The following GRK5 variants were observed in gnomAD, a reference collection of about 807,000 sequenced individuals.
GRK5 encodes g protein-coupled receptor kinase GRK5.
In GRK5, 40 loss-of-function variants were observed where a neutral mutation model predicts 78.4. That is an observed-to-expected ratio of 0.51 (90% CI 0.40 to 0.66). The LOEUF (loss-of-function observed/expected upper bound fraction) is 0.66, where lower values mean the gene tolerates loss of function less well. Among genes scored for constraint, GRK5 ranks in the 30% least tolerant of loss-of-function variants. The pLI is 0.00. For missense variants in GRK5, 598 were observed against 759.9 expected, an observed-to-expected ratio of 0.79 and a Z score of 2.50; for synonymous variants, 289 against 296.8, an observed-to-expected ratio of 0.97 and a Z score of 0.27.
chr10:119,293,440 G>C (rs1850019149), intron 1 of GRK5, among the ~76,000 whole-genome samples: 1 of 151,822 alleles, frequency 6.6e-6, no homozygotes, highest in African/African-American at 2.4e-5. Context: ...TTGAGGAGCA[G>C]AGATGGGGTA....
intron 13 of GRK5, among the ~76,000 whole-genome samples, chr10:119,448,671 A>AGCAT (rs1482869302): frequency 2.0e-5 from 3 of 152,170 alleles, no homozygotes; most frequent in Non-Finnish European, 4.4e-5. Context: ...CATCTTGACC[A>AGCAT]GCATGCATGC....
chr10:119,396,071 T>C (rs1029618905), intron 3 of GRK5, among the ~76,000 whole-genome samples: 24 of 152,246 alleles, frequency 1.6e-4, no homozygotes, highest in Non-Finnish European at 3.5e-4. Context: ...CAAGGTGTAA[T>C]AATCACAATG....
chr10:119,356,448 T>G (rs967258166), intron 2 of GRK5, among the ~76,000 whole-genome samples: 1 of 152,194 alleles, frequency 6.6e-6, no homozygotes, highest in Non-Finnish European at 1.5e-5. Context: ...TCCCAGAATT[T>G]TATGTTTTTA....
chr10:119,266,167 G>A (rs1221507875), intron 1 of GRK5, among the ~76,000 whole-genome samples: 2 of 152,172 alleles, frequency 1.3e-5, no homozygotes, highest in African/African-American at 4.8e-5. Context: ...TAGGAACGAT[G>A]CTGGCTGGAT....
chr10:119,318,379 G>A (rs186320324), intron 1 of GRK5, among the ~76,000 whole-genome samples: 2 of 152,340 alleles, frequency 1.3e-5, no homozygotes, highest in Admixed American at 1.3e-4. Flanking sequence ...CCCTGACTCT[G>A]AGGGTACAGC....
chr10:119,209,491 T>G (rs1025568391), intron 1 of GRK5, among the ~76,000 whole-genome samples: 7 of 51,678 alleles, frequency 1.4e-4, no homozygotes, highest in Admixed American at 3.2e-4. Flanking sequence ...TGTGTGGTTT[T>G]TTTTTTTTTT....
intron 1 of GRK5, among the ~76,000 whole-genome samples, chr10:119,296,925 G>A (rs555324739): frequency 6.0e-4 from 92 of 152,222 alleles, no homozygotes; most frequent in African/African-American, 2.0e-3. Flanking sequence ...TGGTCACCCT[G>A]TGGGCAGCCA....
intron 2 of GRK5, among the ~76,000 whole-genome samples, chr10:119,337,005 G>A (rs534407128): frequency 9.2e-5 from 14 of 152,190 alleles, no homozygotes; most frequent in African/African-American, 2.2e-4. Context: ...GATACTGTCC[G>A]TGGGTTTCTT....
At chr10:119,234,985 AT>A (rs1450363142) in intron 1 of GRK5, among the ~76,000 whole-genome samples, 1 of 144,732 alleles carries the variant, frequency 6.9e-6, no homozygotes, top group Non-Finnish European at 1.5e-5. Context: ...TAATTAATTA[AT>A]TTTTTTGAGA....
Position 119,218,074 on chromosome 10 carries a change from T to TTGTGTGTGTGTGTGTGTGTG in GRK5, c.52+10115_52+10134dup, listed in dbSNP as rs59742803. On this transcript the variant is annotated intron_variant, in intron 1 of 15. Transcript: ENST00000392870. The stretch of plus-strand genomic sequence containing the variant: ...GCATTTAGAAACCATGTCAACCCGT[T>TTGTGTGTGTGTGTGTGTGTG]TGTGTGTGTGTGTGTGTGTGTGTGT... 4.2e-3 allele frequency among the ~76,000 whole-genome samples: 619 copies of TTGTGTGTGTGTGTGTGTGTG among 146,556 alleles called. 10 individuals carry two copies. Among genetic ancestry groups the TTGTGTGTGTGTGTGTGTGTG allele is most frequent in the Admixed American group, 0.033 (481 of 14,606 alleles).
intron 2 of GRK5, chr10:119,333,824 C>T (rs1850826719): frequency 1.9e-6 from 1 of 532,946 alleles, no homozygotes; most frequent in South Asian, 1.4e-5. Flanking sequence ...CATGGGAGAC[C>T]AACTGAAATT....
intron 1 of GRK5, among the ~76,000 whole-genome samples, chr10:119,280,174 G>A (rs900721239): frequency 6.6e-6 from 1 of 152,184 alleles, no homozygotes; most frequent in Admixed American, 6.5e-5. Context: ...CAGAACAGCT[G>A]CAGGAAAGGG....
intron 1 of GRK5, among the ~76,000 whole-genome samples, chr10:119,281,585 ATCT>A (rs912096872): frequency 4.6e-5 from 7 of 152,198 alleles, no homozygotes; most frequent in African/African-American, 1.7e-4. Flanking sequence ...CTGTGGTGGC[ATCT>A]TCTTCACAGG....
At position 119,254,545 on chromosome 10, in the gene GRK5, C is replaced by T. The variant is rs531160980; in HGVS notation, c.52+46576C>T. 6.2e-4 allele frequency among the ~76,000 whole-genome samples: 94 copies of T among 151,624 alleles called. 2 individuals carry two copies. The highest frequency in any genetic ancestry group is 7.9e-4 in the Admixed American group (12 of 15,198). On this transcript the variant is annotated intron_variant, in intron 1 of 15. Coordinates refer to ENST00000392870, the MANE Select transcript of GRK5 (RefSeq NM_005308.3). ...TGGGATTTGTAGCGGGTGTGGCTAT[C>T]TTATTTCTGGCCAGTATGGGGAGGG...
chr10:119,273,370 G>A (rs575281551), intron 1 of GRK5, among the ~76,000 whole-genome samples: 3 of 152,296 alleles, frequency 2.0e-5, no homozygotes, highest in Admixed American at 2.0e-4. Flanking sequence ...GGATTCTGCT[G>A]CCCTGCCTTG....
intron 12 of GRK5, among the ~76,000 whole-genome samples, chr10:119,444,977 C>T (rs1458163768): frequency 6.6e-6 from 1 of 152,222 alleles, no homozygotes; most frequent in African/African-American, 2.4e-5. Flanking sequence ...ACCCCAGAGG[C>T]CCCTCTCCTG....
chr10:119,379,982 G>A lies in GRK5; in HGVS notation c.149-833G>A, dbSNP rs1362101310. Reference sequence around the variant, plus strand: ...ACCCTCTTGGCTATTGAGTGGGTAAGCGCGGGTGACTTCCTGTCTCTGTGC... The same window carrying A: ...ACCCTCTTGGCTATTGAGTGGGTAAACGCGGGTGACTTCCTGTCTCTGTGC... On this transcript the variant is annotated intron_variant, in intron 2 of 15. Transcript: ENST00000392870. The surrounding 1 kb of genome is among the most constrained non-coding windows in gnomAD (Gnocchi z 4.1). 1.3e-5 allele frequency among the ~76,000 whole-genome samples: 2 copies of A among 152,186 alleles called. No individual in the cohort carries two copies. The highest frequency in any genetic ancestry group is 2.9e-5 in the Non-Finnish European group (2 of 68,032).
At chr10:119,352,500 C>G (rs563491239) in intron 2 of GRK5, among the ~76,000 whole-genome samples, 1 of 152,188 alleles carries the variant, frequency 6.6e-6, no homozygotes, top group South Asian at 2.1e-4. Flanking sequence ...AAGGTGCTTA[C>G]AGCAGATCGA....
At chr10:119,292,372 G>C (rs1392097949) in intron 1 of GRK5, among the ~76,000 whole-genome samples, 1 of 151,586 alleles carries the variant, frequency 6.6e-6, no homozygotes, top group Non-Finnish European at 1.5e-5. Flanking sequence ...ACAAACACAT[G>C]GTGCCTCGGC....
Sources: allele counts gnomAD v4.1 joint callset (sites outside exome capture counted in the v4.1 genomes callset), GRCh38; gene constraint gnomAD v4.1.1; non-coding constraint Gnocchi (gnomAD v3.1); transcripts MANE v1.5; gene names NCBI Gene and HGNC (gene_info 2026-07-23, HGNC 2026-07-21).